GLIS3: variants seen among roughly 807,000 people sequenced by gnomAD.
GLIS3 encodes the protein GLIS family zinc finger 3, also known as zinc finger protein GLIS3.
GLIS3 carries 53 observed loss-of-function variants against 78.6 expected under a neutral mutation model. The observed-to-expected ratio is 0.67, with a 90% CI of 0.54 to 0.85. The LOEUF (loss-of-function observed/expected upper bound fraction) is 0.85, where lower values mean the gene tolerates loss of function less well. GLIS3 is among the 40% of genes least tolerant of loss of function. The pLI is 0.00. For synonymous variants in GLIS3, 684 were observed against 509.9 expected, an observed-to-expected ratio of 1.34 and a Z score of -4.60; for missense variants, 1,703 against 1,231.1, an observed-to-expected ratio of 1.38 and a Z score of -5.74.
chr9:4,095,043 C>A (rs1829830350), intron 4 of GLIS3, among the ~76,000 whole-genome samples: 1 of 152,072 alleles, frequency 6.6e-6, no homozygotes, highest in African/African-American at 2.4e-5. Flanking sequence ...ACATTCAATA[C>A]CCTCCTTCTA....
At chr9:4,090,560 TTGGACCACC>T (rs754473449) in intron 4 of GLIS3, among the ~76,000 whole-genome samples, 6 of 152,028 alleles carry the variant, frequency 3.9e-5, no homozygotes, top group Non-Finnish European at 7.4e-5. Context: ...CACATAGCAG[TTGGACCACC>T]TGGTCCAAGA....
At chr9:4,392,287 C>T in the GLIS3 span, among the ~76,000 whole-genome samples, 4 of 152,102 alleles carry the variant, frequency 2.6e-5, no homozygotes, top group African/African-American at 9.7e-5. Flanking sequence ...ATAGCTAATG[C>T]ATGCTGTGCT....
chr9:4,055,085 G>T (rs1826036885), intron 4 of GLIS3, among the ~76,000 whole-genome samples: 1 of 152,194 alleles, frequency 6.6e-6, no homozygotes, highest in Non-Finnish European at 1.5e-5. Context: ...AGGGGAGAAT[G>T]AAAGAAGGCA....
intron 2 of GLIS3, among the ~76,000 whole-genome samples, chr9:4,231,185 T>A (rs1822221508): frequency 6.6e-6 from 1 of 152,092 alleles, no homozygotes; most frequent in Non-Finnish European, 1.5e-5. Flanking sequence ...TAAGAACAGG[T>A]AGATATAAAA....
At chr9:3,897,603 C>G (rs2130593180) in intron 7 of GLIS3, among the ~76,000 whole-genome samples, 1 of 152,276 alleles carries the variant, frequency 6.6e-6, no homozygotes, top group South Asian at 2.1e-4. Flanking sequence ...TATGTTGTCC[C>G]CAACAGTAAG....
At chr9:3,962,327 G>A (rs1588324240) in intron 4 of GLIS3, among the ~76,000 whole-genome samples, 3 of 152,070 alleles carry the variant, frequency 2.0e-5, no homozygotes, top group Admixed American at 2.0e-4. Flanking sequence ...ATAATTGGCT[G>A]CAACTAAGTT....
At chr9:4,370,265 T>G in the GLIS3 span, among the ~76,000 whole-genome samples, 1 of 151,372 alleles carries the variant, frequency 6.6e-6, no homozygotes, top group Non-Finnish European at 1.5e-5. Flanking sequence ...TCTGGATCAG[T>G]GGGGCCCTCC....
At chr9:4,312,397 G>C (rs762653046) in intron 2 of GLIS3, among the ~76,000 whole-genome samples, 1 of 152,190 alleles carries the variant, frequency 6.6e-6, no homozygotes, top group Non-Finnish European at 1.5e-5. Context: ...GAACCAGGGA[G>C]TGGGAGGTTG....
intron 8 of GLIS3, among the ~76,000 whole-genome samples, chr9:3,858,697 T>C (rs1819954019): frequency 6.6e-6 from 1 of 152,150 alleles, no homozygotes; most frequent in Non-Finnish European, 1.5e-5. Flanking sequence ...TAGGCTTTGA[T>C]TTGAAAAGGA....
intron 4 of GLIS3, among the ~76,000 whole-genome samples, chr9:3,993,020 A>G (rs1004938659): frequency 1.3e-5 from 2 of 152,158 alleles, no homozygotes; most frequent in Admixed American, 1.3e-4. Flanking sequence ...AGGGTAAATC[A>G]TATCTTTCCT....
chr9:4,238,193 G>C (rs554944053), intron 2 of GLIS3, among the ~76,000 whole-genome samples: 11 of 152,310 alleles, frequency 7.2e-5, no homozygotes, highest in African/African-American at 2.6e-4. Context: ...GCTGCGCAAA[G>C]AGCTTCCTGA....
chr9:4,138,532 G>C (rs1308715420), intron 2 of GLIS3, among the ~76,000 whole-genome samples: 3 of 152,204 alleles, frequency 2.0e-5, no homozygotes, highest in Admixed American at 1.3e-4. Context: ...CAGGAGGAGA[G>C]GGGGCAATAT....
intron 7 of GLIS3, among the ~76,000 whole-genome samples, chr9:3,889,263 T>G (rs1183530952): frequency 1.3e-5 from 2 of 152,182 alleles, no homozygotes; most frequent in African/African-American, 4.8e-5. Context: ...CCAGGCTGCT[T>G]CTGCAGGTGT....
At chr9:4,281,555 G>A (rs1343988900) in intron 2 of GLIS3, among the ~76,000 whole-genome samples, 1 of 152,146 alleles carries the variant, frequency 6.6e-6, no homozygotes, top group Non-Finnish European at 1.5e-5. Flanking sequence ...TGTGACTGGT[G>A]CATTTCATTT....
the GLIS3 span, among the ~76,000 whole-genome samples, chr9:4,409,072 C>T: frequency 6.6e-6 from 1 of 152,048 alleles, no homozygotes; most frequent in Non-Finnish European, 1.5e-5. Flanking sequence ...CAAGGTGTAA[C>T]TTATCAAATT....
chr9:4,174,555 C>A (rs1013117353), intron 2 of GLIS3, among the ~76,000 whole-genome samples: 1 of 152,096 alleles, frequency 6.6e-6, no homozygotes, highest in African/African-American at 2.4e-5. Flanking sequence ...AAAATGATTC[C>A]TATATATATA....
At chr9:4,208,229 A>G (rs1820054840) in intron 2 of GLIS3, among the ~76,000 whole-genome samples, 1 of 152,240 alleles carries the variant, frequency 6.6e-6, no homozygotes, top group Admixed American at 6.5e-5. Context: ...TACGACAACA[A>G]GTAGACATTC....
chr9:4,324,613 C>T (rs1041721909), intron 2 of GLIS3, among the ~76,000 whole-genome samples: 1 of 152,154 alleles, frequency 6.6e-6, no homozygotes, highest in Non-Finnish European at 1.5e-5. Context: ...GATTTAGATT[C>T]TGAAATATCT....
rs115013868 is a variant in GLIS3 at position 4,030,349 on chromosome 9, C to T, written c.1710+87419G>A. On this transcript the variant is annotated intron_variant, in intron 4 of 10. Transcript: ENST00000381971. ...TTCCTTATATATTCTGGTAGTTAAT[C>T]CCTTGTCAAATGGGTAGTTTGAAAA... Among the ~76,000 whole-genome samples, 1,370 of 152,170 alleles carry T rather than the reference C, an allele frequency of 9.0e-3. 23 individuals carry two copies. Among genetic ancestry groups the T allele is most frequent in the African/African-American group, 0.029 (1,212 of 41,520 alleles).
Sources: allele counts gnomAD v4.1 joint callset (sites outside exome capture counted in the v4.1 genomes callset), GRCh38; gene constraint gnomAD v4.1.1; transcripts MANE v1.5; gene names NCBI Gene and HGNC (gene_info 2026-07-23, HGNC 2026-07-21).